PCDHA2: variants seen among roughly 807,000 people sequenced by gnomAD.
The protein encoded by PCDHA2 is protocadherin alpha 2, also known as protocadherin alpha-2.
A neutral mutation model predicts 66.0 loss-of-function variants in PCDHA2; 58 were observed. The observed-to-expected ratio is 0.88, with a 90% CI of 0.71 to 1.09. The LOEUF is 1.09. Ranked by LOEUF, PCDHA2 falls within the 50% of genes least tolerant of loss-of-function variation. PCDHA2 has a pLI of 0.00. For missense variants in PCDHA2, 1,267 were observed against 1,242.3 expected (o/e 1.02, Z -0.30); for synonymous variants, 634 against 554.0 (o/e 1.14, Z -2.03).
chr5:140,917,359 A>G (rs2078164580), intron 1 of PCDHA2, among the ~76,000 whole-genome samples: 3 of 142,606 alleles, frequency 2.1e-5, no homozygotes, highest in South Asian at 2.2e-4. Flanking sequence ...CTTCTGTTCC[A>G]CTATCTTGCT....
chr5:140,891,568 A>G (rs1448026659), intron 1 of PCDHA2, among the ~76,000 whole-genome samples: 1 of 151,646 alleles, frequency 6.6e-6, no homozygotes, highest in Non-Finnish European at 1.5e-5. Flanking sequence ...CTCTAATTAA[A>G]CATATTTTAA....
At chr5:140,942,737 A>C (rs180744405) in intron 1 of PCDHA2, among the ~76,000 whole-genome samples, 1 of 152,354 alleles carries the variant, frequency 6.6e-6, no homozygotes, top group East Asian at 1.9e-4. Context: ...AAAATATTTT[A>C]AAATCTTGTA....
chr5:140,874,304 A>G (rs559038069), intron 1 of PCDHA2, among the ~76,000 whole-genome samples: 1 of 152,234 alleles, frequency 6.6e-6, no homozygotes, highest in African/African-American at 2.4e-5. Flanking sequence ...ACTTGTTCAC[A>G]ATGAGTTGTA....
At chr5:140,856,980 A>G in intron 1 of PCDHA2, 1 of 1,594,908 alleles carries the variant, frequency 6.3e-7, no homozygotes, top group African/African-American at 1.3e-5. Context: ...GACTTTGAGG[A>G]CAGTAACACT....
At chr5:140,881,235 T>C (rs2058632833) in intron 1 of PCDHA2, 1 of 352,648 alleles carries the variant, frequency 2.8e-6, no homozygotes, top group South Asian at 1.1e-4. Context: ...TTAAAGTCAA[T>C]TTAAATGACG....
chr5:140,831,094 A>T (rs1771374456), intron 1 of PCDHA2: 2 of 152,224 alleles, frequency 1.3e-5, no homozygotes, highest in African/African-American at 2.4e-5. Context: ...GGACAAAAAC[A>T]ATAGTTATCA....
chr5:140,843,678 G>A, intron 1 of PCDHA2: 2 of 1,591,412 alleles, frequency 1.3e-6, no homozygotes, highest in Non-Finnish European at 1.7e-6. Flanking sequence ...GTTGATGTAG[G>A]CGAAGAGCAA....
At chr5:140,993,103 G>A (rs2097540365) in intron 3 of PCDHA2, among the ~76,000 whole-genome samples, 1 of 152,218 alleles carries the variant, frequency 6.6e-6, no homozygotes, top group East Asian at 1.9e-4. Context: ...TTTATTCAGC[G>A]GTCAGTGTCA....
Position 140,883,556 on chromosome 5 carries a change from G to C in PCDHA2, c.2388+86204G>C, listed in dbSNP as rs144498761. ...TGAACTGGTGGTGACCGCGCGGGAC[G>C]GGGGCTCGCCTTCGCTGTGGGCCAC... On this transcript the variant is annotated intron_variant, in intron 1 of 3. Transcript: ENST00000526136. The C allele has an allele frequency of 2.1e-4, 339 of 1,614,184 alleles. 1 individual carries two copies. In the Middle Eastern group the frequency reaches 8.9e-3, roughly 42 times the overall value.
chr5:140,899,464 T>A (rs1357482231), intron 1 of PCDHA2, among the ~76,000 whole-genome samples: 22 of 152,226 alleles, frequency 1.4e-4, no homozygotes, highest in Admixed American at 2.0e-4. Context: ...GGTTTTTGTC[T>A]TTGGTTCTGT....
In PCDHA2 at chr5:140,847,559, GC is replaced by G. The variant is rs150732093; in HGVS notation, c.2388+50211del. 4.7e-5 allele frequency: 7 copies of G among 149,276 alleles called. No individual in the cohort carries two copies. In the East Asian group the frequency reaches 1.4e-3, roughly 29 times the overall value. The allele number at this position is 149,276 out of a possible 1,614,324, so 9.2% of individuals were successfully genotyped here. A position where few individuals can be genotyped will look rare whatever the true frequency, so the allele number is the denominator to read the frequency against. On this transcript the variant is annotated intron_variant, in intron 1 of 3. Coordinates refer to ENST00000526136, the MANE Select transcript of PCDHA2 (RefSeq NM_018905.3). ...AAGCATAGCTTTAAAAACAGAAATT[GC>G]CCCGAGTACTAAGGATGAGCAATAA...
chr5:140,978,829 T>C, intron 1 of PCDHA2, 120 bp from the exon 2 acceptor site: 1 of 1,533,852 alleles, frequency 6.5e-7, no homozygotes, highest in Non-Finnish European at 8.8e-7. Flanking sequence ...ATGAAATGGC[T>C]CATTCAATAC....
Position 140,862,212 on chromosome 5 carries a change from G to T in PCDHA2, c.2388+64860G>T, listed in dbSNP as rs2047258044. ...TTCCCCAATGTTTGATCACTGCACA[G>T]ACTTGATAGAAGTCTTGGACATCAA... On this transcript the variant is annotated intron_variant, in intron 1 of 3. Transcript: ENST00000526136. The T allele has an allele frequency of 2.0e-5, 4 of 203,790 alleles. No homozygotes were observed. In the South Asian group the frequency reaches 4.0e-4, roughly 20 times the overall value. The allele number at this position is 203,790 out of a possible 1,614,324, so 12.6% of individuals were successfully genotyped here.
chr5:140,856,424 AACG>A, intron 1 of PCDHA2: 1 of 1,598,418 alleles, frequency 6.3e-7, no homozygotes, highest in Non-Finnish European at 8.6e-7. Context: ...GAAGGACATT[AACG>A]ACAACCCGCC....
At chr5:140,857,655 C>T (rs782490979) in intron 1 of PCDHA2, 1 of 1,596,728 alleles carries the variant, frequency 6.3e-7, no homozygotes, top group Non-Finnish European at 8.6e-7. Context: ...CAGGTGAGCG[C>T]GCGCGATGGG....
intron 1 of PCDHA2, among the ~76,000 whole-genome samples, chr5:140,879,906 T>C (rs993531346): frequency 6.6e-6 from 1 of 152,214 alleles, no homozygotes; most frequent in Admixed American, 6.5e-5. Context: ...TCTCTCTCTA[T>C]GTGTTGGTTT....
chr5:140,836,791 G>T (rs780841391), intron 1 of PCDHA2: 4 of 1,417,390 alleles, frequency 2.8e-6, no homozygotes, highest in Non-Finnish European at 2.9e-6. Context: ...TAGTTCAATT[G>T]GTCTCCTTAA....
At chr5:140,807,692 A>G (rs781931129) in intron 1 of PCDHA2, 3 of 1,614,098 alleles carry the variant, frequency 1.9e-6, no homozygotes, top group African/African-American at 1.3e-5. Flanking sequence ...CGCCCTGCTC[A>G]CTTACAGACT....
rs1554149566 is a variant in PCDHA2 at position 140,857,139 on chromosome 5, T to C, written c.2388+59787T>C. ...CTCCCAGTGAAAGAAGATGCTCAAG[T>C]GGGCACCGTCATTGCCCTAATCAGC... On this transcript the variant is annotated intron_variant, in intron 1 of 3. Transcript: ENST00000526136. 4 of 1,598,152 alleles carry C rather than the reference T, an allele frequency of 2.5e-6. 1 individual carries two copies. The highest frequency in any genetic ancestry group is 1.7e-5 in the Admixed American group (1 of 59,246).
Sources: allele counts gnomAD v4.1 joint callset (sites outside exome capture counted in the v4.1 genomes callset), GRCh38; gene constraint gnomAD v4.1.1; transcripts MANE v1.5; gene names NCBI Gene and HGNC (gene_info 2026-07-23, HGNC 2026-07-21).